The following SGCD variants were observed in gnomAD, a reference collection of about 807,000 sequenced individuals.
SGCD encodes the protein delta-sarcoglycan.
A neutral mutation model predicts 36.6 loss-of-function variants in SGCD; 18 were observed. The ratio of observed to expected loss-of-function variants is 0.49; its 90% CI spans 0.34 to 0.73. SGCD has a LOEUF of 0.73. SGCD is among the 30% of genes least tolerant of loss of function. The pLI is 0.01. For synonymous variants in SGCD, 133 were observed against 130.6 expected (o/e 1.02, Z -0.12); for missense variants, 387 against 346.7 (o/e 1.12, Z -0.92).
intron 7 of SGCD, among the ~76,000 whole-genome samples, chr5:156,708,424 A>G (rs975473710): frequency 1.3e-5 from 2 of 152,218 alleles, no homozygotes; most frequent in Non-Finnish European, 2.9e-5. Flanking sequence ...GGTGAAAGAC[A>G]GCATGGTATA....
chr5:156,363,884 C>G (rs1254009107), intron 3 of SGCD, among the ~76,000 whole-genome samples: 1 of 152,178 alleles, frequency 6.6e-6, no homozygotes, highest in Non-Finnish European at 1.5e-5. Context: ...CCAGAAATGT[C>G]TTTCCCAGGA....
At chr5:156,403,513 G>A (rs1172369635) in intron 3 of SGCD, among the ~76,000 whole-genome samples, 1 of 152,124 alleles carries the variant, frequency 6.6e-6, no homozygotes. Context: ...ACTTCCCTTT[G>A]GAGCTGCTGC....
At chr5:156,036,222 G>A (rs1249061390) in intron 1 of SGCD, among the ~76,000 whole-genome samples, 1 of 152,164 alleles carries the variant, frequency 6.6e-6, no homozygotes, top group African/African-American at 2.4e-5. Context: ...GCAGTGAGAG[G>A]TCATAGAGAC....
intron 1 of SGCD, among the ~76,000 whole-genome samples, chr5:155,967,409 G>T (rs1757922717): frequency 6.6e-6 from 1 of 151,938 alleles, no homozygotes; most frequent in Non-Finnish European, 1.5e-5. Flanking sequence ...GTCTTAAATT[G>T]CTCCATTATT....
chr5:156,174,324 T>G (rs1159644479), intron 3 of SGCD, among the ~76,000 whole-genome samples: 1 of 152,124 alleles, frequency 6.6e-6, no homozygotes, highest in Non-Finnish European at 1.5e-5. Context: ...GAGCCAGTGG[T>G]AAAGGAATCT....
intron 4 of SGCD, among the ~76,000 whole-genome samples, chr5:156,552,176 CAT>C (rs1758826463): frequency 6.6e-6 from 1 of 152,208 alleles, no homozygotes; most frequent in African/African-American, 2.4e-5. Flanking sequence ...ACACACAGCA[CAT>C]GTTTCTCTCT....
At chr5:156,052,950 C>A (rs1018092143) in intron 1 of SGCD, among the ~76,000 whole-genome samples, 1 of 146,142 alleles carries the variant, frequency 6.8e-6, no homozygotes, top group African/African-American at 2.5e-5. Flanking sequence ...GCTCTAGGAC[C>A]AATGTGTTGT....
chr5:155,937,343 G>C (rs1349233426), intron 1 of SGCD, among the ~76,000 whole-genome samples: 1 of 152,198 alleles, frequency 6.6e-6, no homozygotes, highest in Non-Finnish European at 1.5e-5. Context: ...ATATTGAAGC[G>C]GTGCTGGAGC....
At chr5:156,624,442 G>A (rs946503246) in intron 6 of SGCD, among the ~76,000 whole-genome samples, 38 of 152,082 alleles carry the variant, frequency 2.5e-4, no homozygotes, top group African/African-American at 7.7e-4. Flanking sequence ...TTAGCCGGGC[G>A]TGTTAGCGGG....
intron 7 of SGCD, among the ~76,000 whole-genome samples, chr5:156,667,242 G>C (rs1410164865): frequency 6.6e-6 from 1 of 152,142 alleles, no homozygotes; most frequent in Non-Finnish European, 1.5e-5. Context: ...AAGTGAGAAA[G>C]ACACATACAA....
chr5:156,556,511 G>A (rs936363992), intron 4 of SGCD, among the ~76,000 whole-genome samples: 2 of 152,044 alleles, frequency 1.3e-5, no homozygotes, highest in African/African-American at 2.4e-5. Flanking sequence ...TTTGTGTTTA[G>A]CAATGGCTTA....
At chr5:156,503,497 A>G (rs1347306221) in intron 3 of SGCD, among the ~76,000 whole-genome samples, 1 of 152,184 alleles carries the variant, frequency 6.6e-6, no homozygotes, top group East Asian at 1.9e-4. Flanking sequence ...GTAAGCTAAA[A>G]TCAAAGTGAC....
chr5:156,365,432 C>T (rs1447447376), intron 3 of SGCD, among the ~76,000 whole-genome samples: 1 of 152,178 alleles, frequency 6.6e-6, no homozygotes, highest in Non-Finnish European at 1.5e-5. Context: ...ATTTCCTCCC[C>T]TCACCAGGAG....
At chr5:156,607,180 G>A (rs896312685) in intron 6 of SGCD, among the ~76,000 whole-genome samples, 22 of 152,232 alleles carry the variant, frequency 1.4e-4, no homozygotes, top group African/African-American at 4.6e-4. Context: ...TTGGCTGTGG[G>A]TTTGTCATAG....
rs1337712930 is a variant in SGCD at position 156,335,683 on chromosome 5, C to T, written c.3+6104C>T. Among the ~76,000 whole-genome samples, 4 of 152,178 alleles carry T rather than the reference C, an allele frequency of 2.6e-5. No homozygotes were observed. In the East Asian group the frequency reaches 7.7e-4, roughly 29 times the overall value. The stretch of plus-strand genomic sequence containing the variant: ...CCCTCCTGCCCTCCAAGCCTTCTAT[C>T]CTCACGCTGTTCCCTGTGGGGTACC... On this transcript the variant is annotated intron_variant, in intron 2 of 8. Coordinates refer to ENST00000337851, the MANE Select transcript of SGCD (RefSeq NM_000337.6).
chr5:156,200,648 A>G (rs189936576), intron 3 of SGCD, among the ~76,000 whole-genome samples: 2 of 152,314 alleles, frequency 1.3e-5, no homozygotes, highest in Admixed American at 6.5e-5. Flanking sequence ...AACAAGAGAA[A>G]TTGGAACCCA....
rs59331401 is a variant in SGCD, at chr5:155,890,637, A to AC, written c.-282+20213_-282+20214insC. Among the ~76,000 whole-genome samples, 205 of 56,396 alleles carry AC rather than the reference A, an allele frequency of 3.6e-3. 3 individuals carry two copies. Among genetic ancestry groups the AC allele is most frequent in the East Asian group, 0.023 (52 of 2,238 alleles). 37.0% of individuals were successfully genotyped at this position (56,396 alleles called of 152,430 possible). On this transcript the variant is annotated intron_variant, in intron 1 of 9. Transcript: ENST00000517913. ...GATAGGTAGGTAAGTAGATAGACAG[A>AC]TGATAGATAGATAGATAGATAGATA...
intron 3 of SGCD, among the ~76,000 whole-genome samples, chr5:156,357,524 G>A (rs979404313): frequency 5.3e-5 from 8 of 152,150 alleles, no homozygotes; most frequent in Admixed American, 2.6e-4. Flanking sequence ...AATGACTTCA[G>A]TATTGGCTCA....
chr5:156,495,618 A>T (rs1756149592), intron 3 of SGCD, among the ~76,000 whole-genome samples: 1 of 152,150 alleles, frequency 6.6e-6, no homozygotes, highest in African/African-American at 2.4e-5. Flanking sequence ...CAGCATCTTA[A>T]TCGGACTTTA....
Sources: allele counts gnomAD v4.1 joint callset (sites outside exome capture counted in the v4.1 genomes callset), GRCh38; gene constraint gnomAD v4.1.1; transcripts MANE v1.5; gene names NCBI Gene and HGNC (gene_info 2026-07-23, HGNC 2026-07-21).